The following RBM6 variants were observed in gnomAD, a reference collection of about 807,000 sequenced individuals.
RBM6 encodes RNA-binding protein 6.
A neutral mutation model predicts 140.4 loss-of-function variants in RBM6; 23 were observed. The observed-to-expected ratio is 0.16, with a 90% CI of 0.12 to 0.23. The LOEUF is 0.23. Among genes scored for constraint, RBM6 ranks in the 10% least tolerant of loss-of-function variants. RBM6 has a pLI of 1.00. For synonymous variants in RBM6, 439 were observed against 475.6 expected, an observed-to-expected ratio of 0.92 and a Z score of 1.00; for missense variants, 1,139 against 1,386.7, an observed-to-expected ratio of 0.82 and a Z score of 2.84.
At chr3:49,978,890 A>G (rs1455734719) in intron 5 of RBM6, among the ~76,000 whole-genome samples, 1 of 152,162 alleles carries the variant, frequency 6.6e-6, no homozygotes, top group Non-Finnish European at 1.5e-5. Context: ...ATGAATTGTA[A>G]ATTATCTTGA....
intron 5 of RBM6, among the ~76,000 whole-genome samples, chr3:49,980,259 C>T (rs1236497636): frequency 1.3e-5 from 2 of 151,912 alleles, no homozygotes; most frequent in Non-Finnish European, 2.9e-5. Flanking sequence ...CCCACCTTGG[C>T]CTCCCAAAGT....
intron 19 of RBM6, among the ~76,000 whole-genome samples, chr3:50,072,083 CAAAAAAAAAAAAAA>C (rs974465674): frequency 2.4e-5 from 1 of 41,460 alleles, no homozygotes; most frequent in Non-Finnish European, 4.7e-5. Context: ...GACTCTGTCT[CAAAAAAAAAAAAAA>C]AAAAAAAAGA....
At chr3:49,964,200 C>G (rs549591404) in intron 2 of RBM6, among the ~76,000 whole-genome samples, 1 of 152,320 alleles carries the variant, frequency 6.6e-6, no homozygotes, top group Non-Finnish European at 1.5e-5. Context: ...AGCCACCGCA[C>G]CTGCCATTTG....
intron 6 of RBM6, among the ~76,000 whole-genome samples, chr3:50,013,774 A>T (rs1226523652): frequency 6.6e-6 from 1 of 152,224 alleles, no homozygotes; most frequent in Non-Finnish European, 1.5e-5. Flanking sequence ...ACCATGGCAA[A>T]GGGGAAGCAA....
chr3:49,943,254 A>G (rs2083359945), intron 1 of RBM6, among the ~76,000 whole-genome samples: 1 of 152,076 alleles, frequency 6.6e-6, no homozygotes, highest in South Asian at 2.1e-4. Context: ...TTTTGGGTAT[A>G]TACCCAGAAG....
At chr3:50,001,142 G>GA (rs1331426131) in intron 6 of RBM6, among the ~76,000 whole-genome samples, 5 of 152,008 alleles carry the variant, frequency 3.3e-5, no homozygotes, top group East Asian at 3.9e-4. Flanking sequence ...ACATATTCAG[G>GA]AAAAAAATGC....
At chr3:50,007,619 G>A (rs751051349) in intron 6 of RBM6, among the ~76,000 whole-genome samples, 27 of 151,526 alleles carry the variant, frequency 1.8e-4, no homozygotes, top group South Asian at 4.2e-4. Context: ...TGCATGCTCC[G>A]CCTCCCGGGT....
intron 6 of RBM6, among the ~76,000 whole-genome samples, chr3:50,023,563 G>T (rs2087631199): frequency 6.6e-6 from 1 of 151,876 alleles, no homozygotes; most frequent in African/African-American, 2.4e-5. Context: ...GCTTACAGAG[G>T]TCTAGTAGAA....
intron 6 of RBM6, among the ~76,000 whole-genome samples, chr3:50,009,132 T>G (rs2086720738): frequency 6.6e-6 from 1 of 152,162 alleles, no homozygotes; most frequent in Non-Finnish European, 1.5e-5. Flanking sequence ...GGCAGCTTGA[T>G]TTTAGACAGC....
intron 19 of RBM6, among the ~76,000 whole-genome samples, chr3:50,073,411 A>G (rs1362191576): frequency 6.6e-6 from 1 of 152,210 alleles, no homozygotes; most frequent in Admixed American, 6.5e-5. Context: ...GTTGGGAGAA[A>G]GAAACCAGAC....
intron 20 of RBM6, among the ~76,000 whole-genome samples, chr3:50,076,749 G>A (rs2090472592): frequency 6.6e-6 from 1 of 151,802 alleles, no homozygotes; most frequent in East Asian, 1.9e-4. Flanking sequence ...AGCCGGGCGT[G>A]GTGGCAGGCG....
intron 6 of RBM6, among the ~76,000 whole-genome samples, chr3:50,047,833 G>A (rs1265059389): frequency 6.6e-6 from 1 of 152,334 alleles, no homozygotes; most frequent in East Asian, 1.9e-4. Flanking sequence ...TGAGATAGCT[G>A]TGGAAAAGAA....
At chr3:50,068,629 G>C in intron 17 of RBM6, 61 bp from the exon 18 acceptor site, 2 of 1,503,978 alleles carry the variant, frequency 1.3e-6, no homozygotes, top group Non-Finnish European at 1.8e-6. Context: ...GAAAGGCCTA[G>C]AAGCATCTCT....
At chr3:50,015,254 C>G (rs1373520902) in intron 6 of RBM6, among the ~76,000 whole-genome samples, 2 of 150,834 alleles carry the variant, frequency 1.3e-5, no homozygotes, top group Non-Finnish European at 3.0e-5. Flanking sequence ...ACTACAGGTA[C>G]CCACCACCAC....
At chr3:50,035,950 C>T (rs1458752092) in intron 6 of RBM6, among the ~76,000 whole-genome samples, 1 of 152,028 alleles carries the variant, frequency 6.6e-6, no homozygotes, top group Non-Finnish European at 1.5e-5. Context: ...TTAATAGAGA[C>T]AGGGTTTCAC....
At chr3:50,032,852 G>A (rs2088261836) in intron 6 of RBM6, among the ~76,000 whole-genome samples, 1 of 151,802 alleles carries the variant, frequency 6.6e-6, no homozygotes, top group African/African-American at 2.4e-5. Context: ...GGGCATGGTG[G>A]TGCATGCCTG....
At chr3:50,069,149 T>C (rs901852254) in intron 18 of RBM6, among the ~76,000 whole-genome samples, 2 of 152,186 alleles carry the variant, frequency 1.3e-5, no homozygotes, top group South Asian at 2.1e-4. Context: ...ATGGACTTGC[T>C]ACCTCAACCA....
chr3:50,061,039 AGGTGACTATAAG>A, intron 12 of RBM6, 41 bp downstream of exon 12: 7 of 1,599,188 alleles, frequency 4.4e-6, no homozygotes, highest in Non-Finnish European at 6.0e-6. Flanking sequence ...TAAAATCCTC[AGGTGACTATAAG>A]GGTGATCTTG....
intron 6 of RBM6, among the ~76,000 whole-genome samples, chr3:50,011,542 A>G (rs993750102): frequency 2.6e-5 from 4 of 152,258 alleles, no homozygotes; most frequent in African/African-American, 9.6e-5. Flanking sequence ...GAAATTGCTA[A>G]TCAAAGCTCA....
Sources: allele counts gnomAD v4.1 joint callset (sites outside exome capture counted in the v4.1 genomes callset), GRCh38; gene constraint gnomAD v4.1.1; transcripts MANE v1.5; gene names NCBI Gene and HGNC (gene_info 2026-07-23, HGNC 2026-07-21).